OC90: variants seen among roughly 807,000 people sequenced by gnomAD.
OC90 encodes the protein otoconin 90.
OC90 carries 46 observed loss-of-function variants against 47.3 expected under a neutral mutation model. The observed-to-expected ratio is 0.97, with a 90% confidence interval of 0.77 to 1.24. The LOEUF (loss-of-function observed/expected upper bound fraction) is 1.24. Among genes scored for constraint, OC90 ranks in the 50% most tolerant of loss-of-function variants. OC90 has a pLI of 0.00. For missense variants in OC90, 688 were observed against 583.9 expected (o/e 1.18, Z -1.84); for synonymous variants, 271 against 219.5 (o/e 1.23, Z -2.07).
rs1326282697 is a variant in OC90 at position 132,024,731 on chromosome 8, T to C, written c.1184A>G (p.Gln395Arg). 3.1e-6 allele frequency: 5 copies of C among 1,613,894 alleles called. No individual in the cohort carries two copies. Among genetic ancestry groups the C allele is most frequent in the Non-Finnish European group, 4.2e-6 (5 of 1,179,844 alleles). The change falls in exon 14 of 14, where the codon CAG (glutamine) becomes CGG (arginine). Residue 395 changes from glutamine (Q) to arginine (R), a missense_variant. Gln to Arg is a conservative substitution (Grantham distance 43). Coordinates refer to ENST00000254627, the MANE Select transcript of OC90 (RefSeq NM_001080399.3). Reference protein sequence around the residue: ...LCEKLLCACDQTAAECMTSAS... With the variant: ...LCEKLLCACDRTAAECMTSAS... ...AGAGGTCATGCACTCAGCTGCCGTC[T>C]GGTCACAGGCACAGAGCAACTTCTC...
rs1563727831 is a variant in OC90 at position 132,028,821 on chromosome 8, A to AAGAAAAAG, written c.1138+251_1138+252insCTTTTTCT. On this transcript the variant is annotated intron_variant, in intron 13 of 13. Coordinates refer to ENST00000254627, the MANE Select transcript of OC90 (RefSeq NM_001080399.3). ...AAGGAAAGAAAGAAAGAAAGAAAGA[A>AAGAAAAAG]AAAGAAAGAAAGAAAGAAAAGGAAA... 4.6e-3 allele frequency among the ~76,000 whole-genome samples: 658 copies of AAGAAAAAG among 142,480 alleles called. 10 individuals are homozygous for AAGAAAAAG. Among genetic ancestry groups the AAGAAAAAG allele is most frequent in the Middle Eastern group, 0.01 (3 of 290 alleles). The allele number at this position is 142,480 out of a possible 152,430, so 93.5% of individuals were successfully genotyped here.
chr8:132,058,700 A>T (rs910461529), intron 1 of OC90, among the ~76,000 whole-genome samples: 1 of 152,204 alleles, frequency 6.6e-6, no homozygotes, highest in African/African-American at 2.4e-5. Flanking sequence ...TTATAAAGGT[A>T]GAACACCATC....
chr8:132,038,942 A>G (rs935488722), intron 7 of OC90, 53 bp downstream of exon 7: 108 of 1,613,372 alleles, frequency 6.7e-5, no homozygotes, highest in Non-Finnish European at 8.7e-5. Flanking sequence ...ATCCCAAACC[A>G]GCTGCTGTCC....
chr8:132,040,835 T>C (rs968807545), intron 6 of OC90, among the ~76,000 whole-genome samples: 2 of 152,216 alleles, frequency 1.3e-5, no homozygotes, highest in African/African-American at 4.8e-5. Flanking sequence ...AGCTAATATT[T>C]CAACTCAAAA....
At chr8:132,027,888 G>A (rs1822782183) in intron 13 of OC90, among the ~76,000 whole-genome samples, 1 of 152,166 alleles carries the variant, frequency 6.6e-6, no homozygotes, top group African/African-American at 2.4e-5. Context: ...GAAACTCACT[G>A]GTGTGGTGAA....
chr8:132,057,800 C>A (rs1158397125), intron 1 of OC90, among the ~76,000 whole-genome samples: 2 of 152,242 alleles, frequency 1.3e-5, no homozygotes, highest in Admixed American at 1.3e-4. Context: ...CCCTCCAAGA[C>A]TTTGGCTATC....
chr8:132,036,848 A>G (rs981513273), intron 9 of OC90, among the ~76,000 whole-genome samples: 8 of 152,260 alleles, frequency 5.3e-5, no homozygotes, highest in Non-Finnish European at 1.0e-4. Flanking sequence ...TAAGCATTAA[A>G]TTAGATTATG....
intron 8 of OC90, 23 bp from the exon 9 acceptor site, chr8:132,037,511 A>G: frequency 6.4e-7 from 1 of 1,563,788 alleles, no homozygotes; most frequent in Non-Finnish European, 8.7e-7. Context: ...AGTTCCCAAT[A>G]GCAGTGACTC....
intron 8 of OC90, among the ~76,000 whole-genome samples, 162 bp downstream of exon 8, chr8:132,038,628 C>T (rs562184069): frequency 6.6e-6 from 1 of 152,270 alleles, no homozygotes; most frequent in Non-Finnish European, 1.5e-5. Flanking sequence ...TTGGGTTTAT[C>T]AGAAGTAACA....
chr8:132,055,073 C>A lies in OC90; in HGVS notation c.-47G>T. The A allele has an allele frequency of 2.7e-6, 4 of 1,475,792 alleles. No homozygotes were observed. The highest frequency in any genetic ancestry group is 3.7e-6 in the Non-Finnish European group (4 of 1,080,778). 91.4% of individuals were successfully genotyped at this position (1,475,792 alleles called of 1,614,324 possible). ...GCTTAGGCAGCAACTGGAACGGACT[C>A]CTGGGAGAGAAGCCAGCAGAATAGG... On this transcript the variant is annotated splice_region_variant and 5_prime_UTR_variant, in exon 2 of 14. Coordinates refer to ENST00000254627, the MANE Select transcript of OC90 (RefSeq NM_001080399.3).
chr8:132,054,653 A>T (rs78768229), intron 2 of OC90, among the ~76,000 whole-genome samples: 8,623 of 152,258 alleles, frequency 0.057, 296 homozygotes, highest in Non-Finnish European at 0.065. Context: ...TAAACTTTCT[A>T]TGACTGTAAT....
At chr8:132,028,680 AAG>A (rs1822814909) in intron 13 of OC90, among the ~76,000 whole-genome samples, 1 of 72,542 alleles carries the variant, frequency 1.4e-5, no homozygotes, top group African/African-American at 5.4e-5. Flanking sequence ...GACAGAAAGA[AAG>A]AAAGAGAAAG....
chr8:132,041,273 T>C (rs907179750), intron 5 of OC90, 117 bp from the exon 6 acceptor site: 6 of 704,304 alleles, frequency 8.5e-6, no homozygotes, highest in Non-Finnish European at 9.9e-6. Flanking sequence ...ATTTTAAATA[T>C]TCAGTGCACT....
intron 1 of OC90, among the ~76,000 whole-genome samples, chr8:132,058,171 C>A (rs886939012): frequency 1.3e-5 from 2 of 152,260 alleles, no homozygotes; most frequent in South Asian, 4.1e-4. Context: ...CGTGGTCAGC[C>A]CTGGGCAACA....
In OC90 at chr8:132,024,645, CTGCTGGCTGCCCAGGGCACCCGAGT is replaced by C; in HGVS notation, c.1245_1269del (p.Leu416ProfsTer91). 1 of 1,613,192 alleles carries C rather than the reference CTGCTGGCTGCCCAGGGCACCCGAGT, an allele frequency of 6.2e-7. No homozygotes were observed. ...ACAGGGTGCAGGCTGTCTTCACAGG[CTGCTGGCTGCCCAGGGCACCCGAGT>C]CTGCTTGGGGACTTGAGGCTTTGGT... On this transcript the variant is annotated frameshift_variant, in exon 14 of 14. Coordinates refer to ENST00000254627, the MANE Select transcript of OC90 (RefSeq NM_001080399.3). LOFTEE classifies it low-confidence loss of function (END_TRUNC).
intron 4 of OC90, among the ~76,000 whole-genome samples, chr8:132,043,847 A>C (rs549068087): frequency 4.6e-5 from 7 of 152,364 alleles, no homozygotes; most frequent in African/African-American, 1.4e-4. Flanking sequence ...CCTTATGCCC[A>C]GCATGGCCCG....
Position 132,028,561 on chromosome 8 carries a change from A to AG in OC90, c.1138+511dup, listed in dbSNP as rs1339716896. ...AAGAAAGAAAGAAAGAAAGAAAGAAAGAAAGGAAGGAAGGAAGGAAGGAAG... is the reference window on the plus strand; with the variant it reads ...AAGAAAGAAAGAAAGAAAGAAAGAAAGGAAAGGAAGGAAGGAAGGAAGGAAG... On this transcript the variant is annotated intron_variant, in intron 13 of 13. Coordinates refer to ENST00000254627, the MANE Select transcript of OC90 (RefSeq NM_001080399.3). Among the ~76,000 whole-genome samples the AG allele has an allele frequency of 2.0e-3, 38 of 19,238 alleles. No individual in the cohort carries two copies. In the East Asian group the frequency reaches 0.024, roughly 12 times the overall value. 12.6% of individuals were successfully genotyped at this position (19,238 alleles called of 152,430 possible). A position where few individuals can be genotyped will look rare whatever the true frequency, so the allele number is the denominator to read the frequency against.
chr8:132,031,064 G>T (rs920654592), intron 12 of OC90, among the ~76,000 whole-genome samples: 6 of 152,136 alleles, frequency 3.9e-5, no homozygotes, highest in African/African-American at 1.2e-4. Flanking sequence ...GTCCCCATGT[G>T]CAGTCTTTAA....
At chr8:132,043,232 T>C (rs1823079242) in intron 4 of OC90, among the ~76,000 whole-genome samples, 1 of 152,218 alleles carries the variant, frequency 6.6e-6, no homozygotes, top group South Asian at 2.1e-4. Context: ...GGCACAGTAA[T>C]TCAGCCTGGC....
Sources: allele counts gnomAD v4.1 joint callset (sites outside exome capture counted in the v4.1 genomes callset), GRCh38; gene constraint gnomAD v4.1.1; transcripts MANE v1.5; gene names NCBI Gene and HGNC (gene_info 2026-07-23, HGNC 2026-07-21).